Variants in DOCK11 observed in about 807,000 individuals in gnomAD.
DOCK11 encodes dedicator of cytokinesis 11.
A neutral mutation model predicts 169.1 loss-of-function variants in DOCK11; 70 were observed. The observed-to-expected ratio is 0.41, with a 90% confidence interval of 0.34 to 0.51. DOCK11 has a LOEUF of 0.51. Ranked by LOEUF, DOCK11 falls within the 20% of genes least tolerant of loss-of-function variation. The pLI, the probability that DOCK11 is intolerant of heterozygous loss-of-function variation, is 0.10. For missense variants in DOCK11, 1,166 were observed against 1,538.8 expected (o/e 0.76, Z 4.05); for synonymous variants, 529 against 541.3 (o/e 0.98, Z 0.32).
At chrX:118,595,578 G>A (rs1392506391) in intron 20 of DOCK11, among the ~76,000 whole-genome samples, 1 of 111,857 alleles carries the variant, frequency 8.9e-6, no homozygotes, top group Non-Finnish European at 1.9e-5. Flanking sequence ...GCAGAACGAT[G>A]AGAACCCATG....
At position 118,608,145 on chromosome X, in the gene DOCK11, T is replaced by A; in HGVS notation, c.2751+4T>A. The A allele has an allele frequency of 8.3e-7, 1 of 1,198,531 alleles. No individual in the cohort carries two copies. The highest frequency in any genetic ancestry group is 1.1e-6 in the Non-Finnish European group (1 of 889,783). Reference sequence around the variant, plus strand: ...TTATCTAAGATCATTCATAAAGGTTTGTGGAGTAAAGTTTCTTTCTGAGCA... The same window carrying A: ...TTATCTAAGATCATTCATAAAGGTTAGTGGAGTAAAGTTTCTTTCTGAGCA... On this transcript the variant is annotated splice_donor_region_variant and intron_variant, in intron 25 of 52. Coordinates refer to ENST00000276202, the MANE Select transcript of DOCK11 (RefSeq NM_144658.4).
intron 20 of DOCK11, among the ~76,000 whole-genome samples, chrX:118,595,915 G>A (rs774729487): frequency 9.0e-6 from 1 of 111,141 alleles, no homozygotes; most frequent in East Asian, 2.8e-4. Context: ...GGAGGAGAGG[G>A]AAATGGGGAG....
intron 30 of DOCK11, among the ~76,000 whole-genome samples, chrX:118,616,759 A>G (rs2014827258): frequency 8.9e-6 from 1 of 111,872 alleles, no homozygotes; most frequent in South Asian, 3.7e-4. Context: ...ATAGAAGGTG[A>G]TAGGGATTCA....
rs1196754916 is a variant in DOCK11 at position 118,649,054 on chromosome X, C to T, written c.4508C>T (p.Ala1503Val). The change falls in exon 41 of 53, where the codon GCA becomes GTA. Residue 1503 changes from alanine (A) to valine (V), a missense_variant. Ala to Val is a moderately conservative substitution (Grantham distance 64). Transcript: ENST00000276202. Reference sequence around the variant, plus strand: ...AGCTCAACCAGGAATGAAGCATCTGCACTTTTGTATCTTTTGATGAGAAAC... The same window carrying T: ...AGCTCAACCAGGAATGAAGCATCTGTACTTTTGTATCTTTTGATGAGAAAC... ...KISSTRNEAS[A>V]LLYLLMRNNF... 2.5e-6 allele frequency: 3 copies of T among 1,208,118 alleles called. No individual in the cohort carries two copies. The highest frequency in any genetic ancestry group is 1.1e-6 in the Non-Finnish European group (1 of 893,498).
chrX:118,502,611 G>A (rs1195844565), intron 1 of DOCK11, among the ~76,000 whole-genome samples: 1 of 111,813 alleles, frequency 8.9e-6, no homozygotes, highest in Non-Finnish European at 1.9e-5. Flanking sequence ...GTGAACAGAC[G>A]CAAGTAACCT....
At chrX:118,555,580 T>C (rs1416617810) in intron 6 of DOCK11, among the ~76,000 whole-genome samples, 2 of 107,178 alleles carry the variant, frequency 1.9e-5, no homozygotes, top group East Asian at 5.9e-4. Context: ...AAAAACAAAA[T>C]AAACTTGATA....
chrX:118,647,989 ATATATAATATATTAT>A (rs2015805126), intron 40 of DOCK11, among the ~76,000 whole-genome samples: 2 of 50,168 alleles, frequency 4.0e-5, no homozygotes, highest in African/African-American at 8.2e-5. Flanking sequence ...ATATATAATA[ATATATAATATATTAT>A]TATAATATAT....
At chrX:118,545,447 T>G in intron 5 of DOCK11, 55 bp downstream of exon 5, 1 of 893,970 alleles carries the variant, frequency 1.1e-6, no homozygotes, top group Non-Finnish European at 1.5e-6. Context: ...ACGGTCACTT[T>G]GCTGAAAAAG....
At chrX:118,539,871 T>C (rs1298439730) in intron 1 of DOCK11, among the ~76,000 whole-genome samples, 2 of 108,050 alleles carry the variant, frequency 1.9e-5, no homozygotes, top group Admixed American at 9.9e-5. Context: ...GCCAACATGG[T>C]GAAACCCTGT....
At chrX:118,648,527 T>A (rs867262273) in intron 40 of DOCK11, among the ~76,000 whole-genome samples, 1 of 90,849 alleles carries the variant, frequency 1.1e-5, no homozygotes, top group Admixed American at 1.4e-4. Flanking sequence ...GTAATATATA[T>A]ATATTTATAT....
chrX:118,555,064 A>G (rs957725017), intron 6 of DOCK11, among the ~76,000 whole-genome samples: 3 of 111,808 alleles, frequency 2.7e-5, no homozygotes, highest in African/African-American at 9.8e-5. Flanking sequence ...TGATTATTTG[A>G]GCAGTGACAT....
At chrX:118,616,036 A>G (rs2014803496) in intron 30 of DOCK11, among the ~76,000 whole-genome samples, 1 of 112,116 alleles carries the variant, frequency 8.9e-6, no homozygotes, top group African/African-American at 3.2e-5. Flanking sequence ...TCCTCAAAGC[A>G]TCAAAAAATG....
At chrX:118,528,666 T>C (rs1341926128) in intron 1 of DOCK11, among the ~76,000 whole-genome samples, 1 of 110,550 alleles carries the variant, frequency 9.0e-6, no homozygotes, top group Non-Finnish European at 1.9e-5. Flanking sequence ...AGGAAGGGCG[T>C]GGGCGAGTGC....
At chrX:118,643,436 A>G (rs2015580805) in intron 39 of DOCK11, 21 bp from the exon 40 acceptor site, 1 of 1,196,520 alleles carries the variant, frequency 8.4e-7, no homozygotes, top group Non-Finnish European at 1.1e-6. Context: ...GGCATAAACC[A>G]TATTTTTTAA....
rs2016850851 is a variant in DOCK11, at chrX:118,686,053, A to T, written c.*246A>T. 2 of 280,974 alleles carry T rather than the reference A, an allele frequency of 7.1e-6. No individual in the cohort carries two copies. The highest frequency in any genetic ancestry group is 5.4e-5 in the African/African-American group (2 of 36,698). The allele number at this position is 280,974 out of a possible 1,213,427, so 23.2% of individuals were successfully genotyped here. On this transcript the variant is annotated 3_prime_UTR_variant, in exon 53 of 53. Coordinates refer to ENST00000276202, the MANE Select transcript of DOCK11 (RefSeq NM_144658.4). ...CTATATGCTGAAAAGTAGAGCTCAAAAACAGTAGTTCAATTTGCTTAATTA... is the reference window on the plus strand; with the variant it reads ...CTATATGCTGAAAAGTAGAGCTCAATAACAGTAGTTCAATTTGCTTAATTA...
At chrX:118,522,940 C>T (rs1244534020) in intron 1 of DOCK11, among the ~76,000 whole-genome samples, 2 of 112,388 alleles carry the variant, frequency 1.8e-5, no homozygotes, top group Non-Finnish European at 3.8e-5. Flanking sequence ...ACTACGCTGA[C>T]TCTATTTGCT....
intron 40 of DOCK11, among the ~76,000 whole-genome samples, chrX:118,647,970 T>TAA (rs1286767972): frequency 8.8e-5 from 4 of 45,610 alleles, no homozygotes; most frequent in African/African-American, 1.8e-4. Context: ...TAATATATAA[T>TAA]TATATATAAT....
At chrX:118,561,821 C>T (rs1472957924) in intron 7 of DOCK11, among the ~76,000 whole-genome samples, 1 of 110,953 alleles carries the variant, frequency 9.0e-6, no homozygotes, top group African/African-American at 3.3e-5. Flanking sequence ...GCTGTGATTG[C>T]ACCACTGCAC....
intron 1 of DOCK11, among the ~76,000 whole-genome samples, chrX:118,537,700 T>C (rs2011806416): frequency 9.0e-6 from 1 of 111,679 alleles, no homozygotes; most frequent in African/African-American, 3.3e-5. Context: ...AGATCAGTCA[T>C]CCTGTACTGC....
Sources: allele counts gnomAD v4.1 joint callset (sites outside exome capture counted in the v4.1 genomes callset), GRCh38; gene constraint gnomAD v4.1.1; transcripts MANE v1.5; gene names NCBI Gene and HGNC (gene_info 2026-07-23, HGNC 2026-07-21).